The following CSMD1 variants were observed in gnomAD, a reference collection of about 807,000 sequenced individuals.
CSMD1 encodes the protein CUB and Sushi multiple domains 1.
Under a neutral mutation model 417.5 loss-of-function variants are expected in CSMD1, and 213 were observed. That is an observed-to-expected ratio of 0.51 (90% CI 0.46 to 0.57). The LOEUF (loss-of-function observed/expected upper bound fraction) is 0.57. CSMD1 is among the 20% of genes least tolerant of loss of function. The pLI is 0.00. For synonymous variants in CSMD1, 2,862 were observed against 1,736.8 expected, an observed-to-expected ratio of 1.65 and a Z score of -16.11; for missense variants, 6,923 against 4,529.7, an observed-to-expected ratio of 1.53 and a Z score of -15.17.
At chr8:3,628,826 C>A (rs1333497791) in intron 7 of CSMD1, among the ~76,000 whole-genome samples, 1 of 152,092 alleles carries the variant, frequency 6.6e-6, no homozygotes, top group Non-Finnish European at 1.5e-5. Flanking sequence ...GAACTCTCAT[C>A]TCTCTCTTTC....
At chr8:3,879,744 G>C (rs1232670693) in intron 5 of CSMD1, among the ~76,000 whole-genome samples, 1 of 152,118 alleles carries the variant, frequency 6.6e-6, no homozygotes, top group Non-Finnish European at 1.5e-5. Flanking sequence ...GTTGCATGTG[G>C]ACTAGCACGT....
intron 3 of CSMD1, among the ~76,000 whole-genome samples, chr8:4,222,266 T>C (rs1430991838): frequency 6.6e-6 from 1 of 152,286 alleles, no homozygotes; most frequent in East Asian, 1.9e-4. Flanking sequence ...CTTTTCCCAG[T>C]TATGATTTTC....
chr8:3,387,445 C>T, intron 18 of CSMD1, 49 bp downstream of exon 18: 3 of 1,472,702 alleles, frequency 2.0e-6, no homozygotes, highest in South Asian at 1.3e-5. Flanking sequence ...GACGTGTGCG[C>T]TGTCTCTGCA....
chr8:4,827,134 T>A (rs990556834), intron 1 of CSMD1, among the ~76,000 whole-genome samples: 1 of 152,118 alleles, frequency 6.6e-6, no homozygotes. Context: ...TCAGCTAGAA[T>A]AATTAAAACA....
chr8:3,436,939 T>C (rs994159504), intron 12 of CSMD1, among the ~76,000 whole-genome samples: 3 of 151,650 alleles, frequency 2.0e-5, no homozygotes, highest in Non-Finnish European at 2.9e-5. Flanking sequence ...AAAAAAAGAG[T>C]GTGAAGCTAA....
chr8:3,081,618 T>C lies in CSMD1; in HGVS notation c.7474+5479A>G, dbSNP rs535863453. ...TCTCAATGACCTTCTCTATGATTTA[T>C]TGCAGGATTTATAACCACTTTTGAC... On this transcript the variant is annotated intron_variant, in intron 49 of 69. Coordinates refer to ENST00000635120, the MANE Select transcript of CSMD1 (RefSeq NM_033225.6). 7.2e-5 allele frequency among the ~76,000 whole-genome samples: 11 copies of C among 152,336 alleles called. No homozygotes were observed. The South Asian group carries it at 1.4e-3, about 20-fold the overall frequency.
chr8:3,523,635 A>G (rs1414391438), intron 10 of CSMD1, among the ~76,000 whole-genome samples: 1 of 151,796 alleles, frequency 6.6e-6, no homozygotes, highest in Non-Finnish European at 1.5e-5. Context: ...GCACACCGAG[A>G]CACGTGCACA....
At chr8:4,355,392 G>A (rs563549674) in intron 3 of CSMD1, among the ~76,000 whole-genome samples, 1 of 151,824 alleles carries the variant, frequency 6.6e-6, no homozygotes, top group Non-Finnish European at 1.5e-5. Context: ...GACGCGTTAA[G>A]AGTGTTCTTA....
At chr8:4,837,542 T>A (rs1487542528) in intron 1 of CSMD1, among the ~76,000 whole-genome samples, 1 of 152,056 alleles carries the variant, frequency 6.6e-6, no homozygotes, top group Non-Finnish European at 1.5e-5. Flanking sequence ...TTCTTATCTG[T>A]GGAATCTAAA....
intron 1 of CSMD1, among the ~76,000 whole-genome samples, chr8:4,918,832 C>T (rs1468726438): frequency 6.6e-6 from 1 of 152,064 alleles, no homozygotes; most frequent in Non-Finnish European, 1.5e-5. Flanking sequence ...TACATATATG[C>T]AGATATATAT....
intron 3 of CSMD1, among the ~76,000 whole-genome samples, chr8:4,097,521 G>A (rs1036885285): frequency 1.3e-5 from 2 of 152,100 alleles, no homozygotes; most frequent in Non-Finnish European, 2.9e-5. Flanking sequence ...GTTGCCCCTG[G>A]TGTGTTCAGA....
At chr8:3,842,190 G>A (rs1803181913) in intron 5 of CSMD1, among the ~76,000 whole-genome samples, 1 of 152,122 alleles carries the variant, frequency 6.6e-6, no homozygotes, top group Non-Finnish European at 1.5e-5. Context: ...TAGCATCATT[G>A]TAATATTCCC....
intron 5 of CSMD1, among the ~76,000 whole-genome samples, chr8:3,987,863 G>C (rs746425880): frequency 6.6e-6 from 1 of 152,194 alleles, no homozygotes; most frequent in Non-Finnish European, 1.5e-5. Flanking sequence ...AAATGGTTCA[G>C]GGTCCAATCT....
chr8:3,663,112 T>A (rs369371071), intron 7 of CSMD1, among the ~76,000 whole-genome samples: 2 of 152,086 alleles, frequency 1.3e-5, no homozygotes, highest in African/African-American at 4.8e-5. Context: ...AATGAAGACC[T>A]GAAGCAGTGG....
intron 3 of CSMD1, among the ~76,000 whole-genome samples, chr8:4,188,807 G>C (rs537819393): frequency 7.4e-4 from 3 of 4,072 alleles, no homozygotes; most frequent in African/African-American, 1.4e-3. Context: ...TGAATATTAT[G>C]GGGGAGGATG....
intron 5 of CSMD1, among the ~76,000 whole-genome samples, chr8:3,917,260 A>G (rs1808893816): frequency 6.6e-6 from 1 of 152,150 alleles, no homozygotes; most frequent in South Asian, 2.1e-4. Context: ...ATGCTGTTGA[A>G]TGCATGAACG....
chr8:3,352,637 C>T (rs1808493106), intron 21 of CSMD1, among the ~76,000 whole-genome samples: 1 of 152,102 alleles, frequency 6.6e-6, no homozygotes, highest in South Asian at 2.1e-4. Context: ...GTCAGGAGTT[C>T]AAGACCAGCC....
chr8:4,790,718 A>G (rs1195006515), intron 1 of CSMD1, among the ~76,000 whole-genome samples: 1 of 152,224 alleles, frequency 6.6e-6, no homozygotes, highest in East Asian at 1.9e-4. Context: ...GCCAGCAAAA[A>G]GAAGCAACCA....
intron 9 of CSMD1, among the ~76,000 whole-genome samples, chr8:3,582,161 C>G (rs1490905916): frequency 6.6e-6 from 1 of 152,144 alleles, no homozygotes; most frequent in Non-Finnish European, 1.5e-5. Flanking sequence ...GGAAAATGGT[C>G]CCTGCTGTAC....
Sources: allele counts gnomAD v4.1 joint callset (sites outside exome capture counted in the v4.1 genomes callset), GRCh38; gene constraint gnomAD v4.1.1; transcripts MANE v1.5; gene names NCBI Gene and HGNC (gene_info 2026-07-23, HGNC 2026-07-21).